The following YWHAZ variants were observed in gnomAD, a reference collection of about 807,000 sequenced individuals.
YWHAZ encodes 14-3-3 protein zeta/delta.
For missense variants in YWHAZ, 79 were observed against 284.8 expected, an observed-to-expected ratio of 0.28 and a Z score of 5.20; for synonymous variants, 87 against 103.6, an observed-to-expected ratio of 0.84 and a Z score of 0.97.
intron 2 of YWHAZ, among the ~76,000 whole-genome samples, chr8:100,928,711 C>T (rs1813542509): frequency 6.7e-6 from 1 of 148,988 alleles, no homozygotes; most frequent in African/African-American, 2.5e-5. Flanking sequence ...CCAGCCTGGG[C>T]AACAAGAGTG....
At chr8:100,920,975 A>G (rs898978575) in intron 5 of YWHAZ, among the ~76,000 whole-genome samples, 4 of 152,240 alleles carry the variant, frequency 2.6e-5, no homozygotes, top group Admixed American at 2.6e-4. Context: ...GTTGCCTTCA[A>G]ATAACCTTCA....
rs1237121473 is a variant in YWHAZ, at chr8:100,918,843, T to A, written c.*1850A>T. The A allele has an allele frequency of 6.6e-6, 1 of 152,628 alleles. No homozygotes were observed. The highest frequency in any genetic ancestry group is 1.5e-5 in the Non-Finnish European group (1 of 68,046). The allele number at this position is 152,628 out of a possible 1,614,324, so 9.5% of individuals were successfully genotyped here. A position where few individuals can be genotyped will look rare whatever the true frequency, so the allele number is the denominator to read the frequency against. Reference sequence around the variant, plus strand: ...TCTAAAAGAAAAAATACACCTTTTTTAAAATGGCATTTTTGTTTGGTGTTT... The same window carrying A: ...TCTAAAAGAAAAAATACACCTTTTTAAAAATGGCATTTTTGTTTGGTGTTT... On this transcript the variant is annotated 3_prime_UTR_variant, in exon 6 of 6. Transcript: ENST00000395958.
At chr8:100,942,377 T>C (rs1809931526) in intron 2 of YWHAZ, among the ~76,000 whole-genome samples, 1 of 152,208 alleles carries the variant, frequency 6.6e-6, no homozygotes, top group South Asian at 2.1e-4. Context: ...CTTTCACATA[T>C]ACAAGCTTTT....
chr8:100,946,806 A>C (rs1263588357), intron 2 of YWHAZ, among the ~76,000 whole-genome samples: 1 of 151,806 alleles, frequency 6.6e-6, no homozygotes, highest in Non-Finnish European at 1.5e-5. Flanking sequence ...CTTTTCGATC[A>C]GGTGTAATAA....
intron 1 of YWHAZ, chr8:100,950,667 G>A (rs1420069174): frequency 3.9e-5 from 35 of 887,914 alleles, no homozygotes; most frequent in African/African-American, 2.2e-4. Context: ...TGGGGGGGGG[G>A]GAGAGATGGG....
chr8:100,948,500 A>T lies in YWHAZ; in HGVS notation c.294+96T>A. 1 of 1,353,838 alleles carries T rather than the reference A, an allele frequency of 7.4e-7. No homozygotes were observed. The highest frequency in any genetic ancestry group is 1.0e-6 in the Non-Finnish European group (1 of 995,090). 83.9% of individuals were successfully genotyped at this position (1,353,838 alleles called of 1,614,324 possible). On this transcript the variant is annotated intron_variant, in intron 2 of 5. Coordinates refer to ENST00000395958, the MANE Select transcript of YWHAZ (RefSeq NM_145690.3). This position sits in a 1 kb window ranked among gnomAD's most constrained non-coding sequence, Gnocchi z 4.2. ...TAAATTTGGAACACACAATGTTTAGAAGGAAAAGAAAAACCAAACAAAAAG... is the reference window on the plus strand; with the variant it reads ...TAAATTTGGAACACACAATGTTTAGTAGGAAAAGAAAAACCAAACAAAAAG...
chr8:100,931,435 T>A (rs1353613323), intron 2 of YWHAZ, among the ~76,000 whole-genome samples: 1 of 152,174 alleles, frequency 6.6e-6, no homozygotes, highest in East Asian at 1.9e-4. Context: ...TTCAGTATGA[T>A]TACCCCTAAA....
chr8:100,950,513 A>C, intron 1 of YWHAZ: 1 of 985,574 alleles, frequency 1.0e-6, no homozygotes, highest in Non-Finnish European at 1.2e-6. Flanking sequence ...GGCTCCGCCC[A>C]AGTCGGAGCC....
chr8:100,925,115 C>T, intron 2 of YWHAZ, 76 bp from the exon 3 acceptor site: 1 of 1,451,650 alleles, frequency 6.9e-7, no homozygotes, highest in Non-Finnish European at 9.3e-7. Flanking sequence ...TCTTAAAGAA[C>T]AAACTATAGC....
intron 2 of YWHAZ, among the ~76,000 whole-genome samples, chr8:100,933,316 G>C (rs1813888857): frequency 6.6e-6 from 1 of 151,264 alleles, no homozygotes; most frequent in Non-Finnish European, 1.5e-5. Flanking sequence ...CCGAGATTGT[G>C]CCACTGCACT....
intron 2 of YWHAZ, among the ~76,000 whole-genome samples, chr8:100,943,986 C>A (rs78785893): frequency 5.7e-4 from 66 of 116,456 alleles, no homozygotes; most frequent in Middle Eastern, 4.5e-3. Context: ...GACTCCGTCT[C>A]AAAAAAAAAA....
rs1024054961 is a variant in YWHAZ at position 100,948,066 on chromosome 8, T to TC, written c.294+529dup. On this transcript the variant is annotated intron_variant, in intron 2 of 5. Transcript: ENST00000395958. The surrounding 1 kb of genome is among the most constrained non-coding windows in gnomAD (Gnocchi z 4.2). ...AACCTTTCATCATGGTTGTGAGTGT[T>TC]CAAAATTTACCTTCAAGAATTCAAT... The TC allele has an allele frequency of 1.8e-5, 28 of 1,529,982 alleles. 1 individual carries two copies. The Admixed American group carries it at 3.8e-4, about 21-fold the overall frequency. 94.8% of individuals were successfully genotyped at this position (1,529,982 alleles called of 1,614,324 possible).
At chr8:100,945,893 T>C (rs1810230276) in intron 2 of YWHAZ, among the ~76,000 whole-genome samples, 1 of 152,088 alleles carries the variant, frequency 6.6e-6, no homozygotes, top group East Asian at 1.9e-4. Flanking sequence ...TTAACAAATA[T>C]TTGAGCATCT....
rs917399745 is a variant in YWHAZ, at chr8:100,951,937, G to A, written c.-20C>T. 2.6e-5 allele frequency: 26 copies of A among 1,000,736 alleles called. No individual in the cohort carries two copies. The highest frequency in any genetic ancestry group is 4.1e-5 in the South Asian group (1 of 24,506). The allele number at this position is 1,000,736 out of a possible 1,614,324, so 62.0% of individuals were successfully genotyped here. A position where few individuals can be genotyped will look rare whatever the true frequency, so the allele number is the denominator to read the frequency against. On this transcript the variant is annotated 5_prime_UTR_variant, in exon 1 of 6. Coordinates refer to ENST00000395958, the MANE Select transcript of YWHAZ (RefSeq NM_145690.3). ...GCGGCCGGGTTCCTCACCTGTGTCC[G>A]GAGTGGGTGGTGGCGGCGGACGGAC...
At chr8:100,940,728 C>G (rs774635754) in intron 2 of YWHAZ, among the ~76,000 whole-genome samples, 1 of 152,184 alleles carries the variant, frequency 6.6e-6, no homozygotes, top group African/African-American at 2.4e-5. Flanking sequence ...TCAAAACATC[C>G]TAGAGGTAGA....
At chr8:100,941,208 G>A (rs1809822941) in intron 2 of YWHAZ, among the ~76,000 whole-genome samples, 1 of 152,122 alleles carries the variant, frequency 6.6e-6, no homozygotes, top group Non-Finnish European at 1.5e-5. Flanking sequence ...TTTTAAGTAG[G>A]TATTTTGCAT....
intron 2 of YWHAZ, among the ~76,000 whole-genome samples, chr8:100,928,560 C>T (rs778505067): frequency 6.6e-6 from 1 of 151,694 alleles, no homozygotes; most frequent in African/African-American, 2.4e-5. Context: ...GGTAAAACCT[C>T]GTCTCTACCA....
At chr8:100,944,362 A>T (rs1323472662) in intron 2 of YWHAZ, among the ~76,000 whole-genome samples, 1 of 152,200 alleles carries the variant, frequency 6.6e-6, no homozygotes, top group Admixed American at 6.5e-5. Flanking sequence ...ACCCATAACC[A>T]CAACTTAAAA....
Position 100,948,716 on chromosome 8 carries a change from A to G in YWHAZ, c.174T>C (p.Ser58=). The G allele has an allele frequency of 1.2e-6, 2 of 1,601,120 alleles. No homozygotes were observed. Among genetic ancestry groups the G allele is most frequent in the Non-Finnish European group, 1.7e-6 (2 of 1,179,842 alleles). ...YKNVVGARRS[S]WRVVSSIEQK... is the part of the protein sequence containing the mutation. ...GTTCAATACTTGAGACGACCCTCCA[A>G]GATGACCTACGGGCTCCTACAACAT... The change falls in exon 2 of 6, where the codon TCT becomes TCC. Residue 58 remains serine (S), a synonymous_variant. Coordinates refer to ENST00000395958, the MANE Select transcript of YWHAZ (RefSeq NM_145690.3). The surrounding 1 kb of genome is among the most constrained non-coding windows in gnomAD (Gnocchi z 4.2).
Sources: gnomAD v4.1 joint callset for allele counts (sites outside exome capture counted in the v4.1 genomes callset) on GRCh38, gnomAD v4.1.1 for gene constraint, Gnocchi (gnomAD v3.1) non-coding constraint, MANE v1.5 for transcripts, NCBI Gene and HGNC (gene_info 2026-07-23, HGNC 2026-07-21) for gene names.